The following LRMDA variants were observed in gnomAD, a reference collection of about 807,000 sequenced individuals.
LRMDA encodes the protein leucine-rich melanocyte differentiation-associated protein.
Under a neutral mutation model 29.8 loss-of-function variants are expected in LRMDA, and 18 were observed. The ratio of observed to expected loss-of-function variants is 0.60; its 90% confidence interval spans 0.42 to 0.90. The LOEUF is 0.90. Among genes scored for constraint, LRMDA ranks in the 40% least tolerant of loss-of-function variants. The pLI is 0.00. For missense variants in LRMDA, 273 were observed against 273.9 expected (o/e 1.00, Z 0.02); for synonymous variants, 125 against 109.4 (o/e 1.14, Z -0.89).
chr10:76,001,886 G>A (rs1402325703), intron 2 of LRMDA, among the ~76,000 whole-genome samples: 2 of 152,112 alleles, frequency 1.3e-5, no homozygotes, highest in African/African-American at 4.8e-5. Context: ...CCCCAAATGG[G>A]CTTGTTGGAA....
intron 2 of LRMDA, among the ~76,000 whole-genome samples, chr10:75,974,299 G>A (rs1014207491): frequency 6.6e-6 from 1 of 152,236 alleles, no homozygotes; most frequent in African/African-American, 2.4e-5. Context: ...AGCATTCAGG[G>A]GATGAGCTAC....
intron 5 of LRMDA, among the ~76,000 whole-genome samples, chr10:76,284,350 T>A (rs111530487): frequency 1.3e-5 from 2 of 152,150 alleles, no homozygotes; most frequent in African/African-American, 4.8e-5. Flanking sequence ...TGGAGCAATG[T>A]GCTTTTGAAA....
At chr10:75,480,528 T>G (rs1036483535) in intron 2 of LRMDA, among the ~76,000 whole-genome samples, 1 of 152,222 alleles carries the variant, frequency 6.6e-6, no homozygotes, top group South Asian at 2.1e-4. Context: ...GAAGAGTGAT[T>G]CAGGCAGAGG....
At chr10:75,824,159 A>G (rs1415350012) in intron 2 of LRMDA, among the ~76,000 whole-genome samples, 1 of 152,158 alleles carries the variant, frequency 6.6e-6, no homozygotes, top group Non-Finnish European at 1.5e-5. Context: ...TTCAAAAAAT[A>G]TTTTGATTAC....
intron 2 of LRMDA, among the ~76,000 whole-genome samples, chr10:75,609,353 A>G (rs1427441315): frequency 1.3e-5 from 2 of 152,170 alleles, no homozygotes; most frequent in Non-Finnish European, 1.5e-5. Flanking sequence ...GTCAATGGCA[A>G]TTAATTGGAA....
chr10:76,370,274 C>T (rs1283090507), intron 6 of LRMDA, among the ~76,000 whole-genome samples: 1 of 151,946 alleles, frequency 6.6e-6, no homozygotes, highest in Non-Finnish European at 1.5e-5. Flanking sequence ...AAAACCCATC[C>T]AGCTATAAAG....
intron 5 of LRMDA, among the ~76,000 whole-genome samples, chr10:76,208,441 T>C (rs1423949683): frequency 1.3e-5 from 2 of 152,050 alleles, no homozygotes; most frequent in Non-Finnish European, 2.9e-5. Context: ...AACTATGAAG[T>C]GGGACTAATC....
At chr10:76,472,189 A>G (rs2132317966) in intron 6 of LRMDA, among the ~76,000 whole-genome samples, 1 of 151,996 alleles carries the variant, frequency 6.6e-6, no homozygotes, top group East Asian at 1.9e-4. Context: ...ACAAGCCTCA[A>G]TAAATTTAAC....
At chr10:75,438,565 A>T in intron 2 of LRMDA, 71 bp downstream of exon 2, 1 of 1,206,770 alleles carries the variant, frequency 8.3e-7, no homozygotes, top group Non-Finnish European at 1.2e-6. Flanking sequence ...AGGGCCAAGC[A>T]GATAAAAGTC....
intron 2 of LRMDA, among the ~76,000 whole-genome samples, chr10:75,666,959 G>A (rs1205234481): frequency 6.6e-6 from 1 of 152,172 alleles, no homozygotes. Context: ...GTTAACTGCA[G>A]TTACCTGGCT....
intron 2 of LRMDA, among the ~76,000 whole-genome samples, chr10:75,898,470 C>G (rs1845619610): frequency 6.6e-6 from 1 of 152,200 alleles, no homozygotes; most frequent in African/African-American, 2.4e-5. Context: ...CTCACTTGTT[C>G]CTGATGCAAA....
Position 75,845,221 on chromosome 10 carries a change from A to T in LRMDA, c.132-190787A>T, listed in dbSNP as rs199749481. 6.3e-3 allele frequency among the ~76,000 whole-genome samples: 946 copies of T among 150,510 alleles called. 10 individuals are homozygous for T. The highest frequency in any genetic ancestry group is 0.02 in the African/African-American group (820 of 40,948). Reference sequence around the variant, plus strand: ...ATTATGAGCCACAGGTTTTTTTTTTAAATGCAATATTTTGTTTGCAGACGG... The same window carrying T: ...ATTATGAGCCACAGGTTTTTTTTTTTAATGCAATATTTTGTTTGCAGACGG... On this transcript the variant is annotated intron_variant, in intron 2 of 6. Transcript: ENST00000611255.
At chr10:75,866,856 T>C (rs931166671) in intron 2 of LRMDA, among the ~76,000 whole-genome samples, 4 of 152,242 alleles carry the variant, frequency 2.6e-5, no homozygotes, top group African/African-American at 9.6e-5. Flanking sequence ...CTTGACTGTT[T>C]GCTGGTCGTG....
At chr10:76,009,624 A>T (rs1847738170) in intron 2 of LRMDA, among the ~76,000 whole-genome samples, 1 of 152,094 alleles carries the variant, frequency 6.6e-6, no homozygotes, top group South Asian at 2.1e-4. Flanking sequence ...CCCATGTATC[A>T]TCAGAGCCTA....
intron 6 of LRMDA, among the ~76,000 whole-genome samples, chr10:76,371,643 G>A (rs932504793): frequency 1.3e-5 from 2 of 152,058 alleles, no homozygotes; most frequent in African/African-American, 2.4e-5. Context: ...GCATCTTCTG[G>A]CACCATCAAG....
chr10:75,536,857 G>A (rs932155577), intron 2 of LRMDA, among the ~76,000 whole-genome samples: 21 of 152,018 alleles, frequency 1.4e-4, no homozygotes, highest in African/African-American at 4.6e-4. Flanking sequence ...ACTGTGCCTG[G>A]CCTACTGAAG....
intron 2 of LRMDA, among the ~76,000 whole-genome samples, chr10:75,865,406 A>G (rs910044388): frequency 1.7e-4 from 26 of 152,226 alleles, no homozygotes; most frequent in Non-Finnish European, 4.4e-5. Flanking sequence ...TTATGCAAGT[A>G]TATCTCAATA....
At chr10:75,878,313 T>C (rs1463773030) in intron 2 of LRMDA, among the ~76,000 whole-genome samples, 1 of 146,456 alleles carries the variant, frequency 6.8e-6, no homozygotes, top group African/African-American at 2.6e-5. Context: ...GTGAGGTGGA[T>C]GGGTGCAAAG....
intron 2 of LRMDA, among the ~76,000 whole-genome samples, chr10:76,008,178 C>T (rs1847707058): frequency 6.6e-6 from 1 of 152,084 alleles, no homozygotes; most frequent in African/African-American, 2.4e-5. Context: ...TGGCTAATGT[C>T]CTAAGAAGGC....
Sources: allele counts gnomAD v4.1 joint callset (sites outside exome capture counted in the v4.1 genomes callset), GRCh38; gene constraint gnomAD v4.1.1; transcripts MANE v1.5; gene names NCBI Gene and HGNC (gene_info 2026-07-23, HGNC 2026-07-21).